CNTN5: variants seen among roughly 807,000 people sequenced by gnomAD.
CNTN5 encodes contactin-5.
CNTN5 carries 77 observed loss-of-function variants against 129.1 expected under a neutral mutation model. The ratio of observed to expected loss-of-function variants is 0.60; its 90% CI spans 0.50 to 0.72. The LOEUF is 0.72. Among genes scored for constraint, CNTN5 ranks in the 30% least tolerant of loss-of-function variants. The pLI is 0.00. For synonymous variants in CNTN5, 509 were observed against 465.6 expected (o/e 1.09, Z -1.20); for missense variants, 1,478 against 1,328.8 (o/e 1.11, Z -1.75).
chr11:99,495,694 A>C (rs1201911771), intron 2 of CNTN5, among the ~76,000 whole-genome samples: 1 of 152,202 alleles, frequency 6.6e-6, no homozygotes, highest in Non-Finnish European at 1.5e-5. Context: ...TTATCCTTTA[A>C]AAAAGCCACT....
intron 3 of CNTN5, among the ~76,000 whole-genome samples, chr11:99,630,095 A>G (rs1017041195): frequency 6.6e-6 from 1 of 151,948 alleles, no homozygotes; most frequent in Non-Finnish European, 1.5e-5. Flanking sequence ...TTAAATGCCT[A>G]TCAGTAGGTA....
chr11:99,995,294 T>C (rs771176390), intron 8 of CNTN5, among the ~76,000 whole-genome samples: 2 of 151,414 alleles, frequency 1.3e-5, no homozygotes, highest in Non-Finnish European at 1.5e-5. Context: ...ATAAAAACTT[T>C]AGTGACATTT....
At chr11:99,421,481 A>G (rs1421329933) in intron 2 of CNTN5, among the ~76,000 whole-genome samples, 1 of 152,168 alleles carries the variant, frequency 6.6e-6, no homozygotes, top group African/African-American at 2.4e-5. Flanking sequence ...TCGCTGTTGC[A>G]AGCAGCTTTG....
chr11:99,644,671 T>C (rs1231083934), intron 3 of CNTN5, among the ~76,000 whole-genome samples: 2 of 152,188 alleles, frequency 1.3e-5, no homozygotes, highest in Non-Finnish European at 2.9e-5. Flanking sequence ...CAACTAAATT[T>C]ATTTTGGCAA....
rs377196136 is a variant in CNTN5, at chr11:99,371,634, A to G, written c.-71+46150A>G. ...TGATATCCAATATTAAGGAGAAAAA[A>G]AAATATTACTCTGCTTACAGAGATC... On this transcript the variant is annotated intron_variant, in intron 2 of 24. Transcript: ENST00000524871. 5.9e-5 allele frequency among the ~76,000 whole-genome samples: 9 copies of G among 152,162 alleles called. No homozygotes were observed. In the South Asian group the frequency reaches 6.2e-4, roughly 11 times the overall value.
intron 13 of CNTN5, among the ~76,000 whole-genome samples, chr11:100,148,298 T>C (rs1462830949): frequency 6.6e-6 from 1 of 152,184 alleles, no homozygotes; most frequent in Non-Finnish European, 1.5e-5. Context: ...TCAGTATCTA[T>C]ACATGGAGAA....
intron 3 of CNTN5, among the ~76,000 whole-genome samples, chr11:99,761,683 T>G (rs956012996): frequency 5.3e-5 from 8 of 151,976 alleles, no homozygotes; most frequent in Admixed American, 3.3e-4. Flanking sequence ...ATTTGGCTTG[T>G]TTCCAAGTCT....
intron 3 of CNTN5, among the ~76,000 whole-genome samples, chr11:99,638,894 G>A (rs1951664692): frequency 6.6e-6 from 1 of 152,094 alleles, no homozygotes; most frequent in African/African-American, 2.4e-5. Context: ...CTGTTCTGGG[G>A]TCTGGAAGAT....
chr11:99,111,235 A>G (rs960296442), intron 1 of CNTN5, among the ~76,000 whole-genome samples: 4 of 152,062 alleles, frequency 2.6e-5, no homozygotes, highest in African/African-American at 9.7e-5. Context: ...TTGCACGCCC[A>G]TCAGTTCCAT....
chr11:99,620,926 T>TTTC (rs141462486), intron 3 of CNTN5, among the ~76,000 whole-genome samples: 2 of 150,804 alleles, frequency 1.3e-5, no homozygotes, highest in African/African-American at 2.4e-5. Flanking sequence ...TACTTAGAAT[T>TTTC]TTTTTTCTTT....
chr11:100,235,739 A>G (rs1045895959), intron 16 of CNTN5, among the ~76,000 whole-genome samples: 1 of 152,274 alleles, frequency 6.6e-6, no homozygotes, highest in South Asian at 2.1e-4. Context: ...AGGCTCTGCT[A>G]GCTTTAAGCA....
intron 3 of CNTN5, among the ~76,000 whole-genome samples, chr11:99,680,088 G>C (rs911439873): frequency 6.6e-6 from 1 of 152,048 alleles, no homozygotes; most frequent in Non-Finnish European, 1.5e-5. Flanking sequence ...AAGGTTTAAA[G>C]AAAAAAGCCA....
chr11:100,253,973 T>C (rs1278688146), intron 16 of CNTN5, among the ~76,000 whole-genome samples: 3 of 152,144 alleles, frequency 2.0e-5, no homozygotes, highest in African/African-American at 7.2e-5. Context: ...CTTTTTTTTA[T>C]TCTAGTCTGT....
At chr11:99,340,301 A>G (rs1389167873) in intron 2 of CNTN5, among the ~76,000 whole-genome samples, 5 of 152,190 alleles carry the variant, frequency 3.3e-5, no homozygotes, top group Non-Finnish European at 7.3e-5. Context: ...AATTTGGAGT[A>G]TAAGGAAGCT....
At chr11:99,326,002 C>A (rs1274931391) in intron 2 of CNTN5, among the ~76,000 whole-genome samples, 2 of 152,138 alleles carry the variant, frequency 1.3e-5, no homozygotes, top group African/African-American at 2.4e-5. Context: ...TGAAGGCAGA[C>A]GACTTTTATG....
intron 2 of CNTN5, among the ~76,000 whole-genome samples, chr11:99,551,910 C>CA (rs1384565747): frequency 1.4e-5 from 2 of 139,942 alleles, no homozygotes; most frequent in Non-Finnish European, 3.1e-5. Flanking sequence ...TGAGTTTTTT[C>CA]TTTTTTTTTT....
intron 4 of CNTN5, among the ~76,000 whole-genome samples, chr11:99,822,329 A>C (rs1435008746): frequency 6.6e-6 from 1 of 152,188 alleles, no homozygotes; most frequent in East Asian, 1.9e-4. Flanking sequence ...CAATATGTTT[A>C]AGAGTAAAGG....
chr11:99,641,611 G>T (rs1277684360), intron 3 of CNTN5, among the ~76,000 whole-genome samples: 3 of 152,088 alleles, frequency 2.0e-5, no homozygotes, highest in African/African-American at 7.2e-5. Context: ...CTGGAATCTG[G>T]CCTATGAAAG....
intron 1 of CNTN5, among the ~76,000 whole-genome samples, chr11:99,166,161 T>G (rs1016988525): frequency 6.6e-6 from 1 of 152,124 alleles, no homozygotes; most frequent in Non-Finnish European, 1.5e-5. Context: ...CCCAGCACTT[T>G]GGGAGGCCAA....
Sources: gnomAD v4.1 joint callset for allele counts (sites outside exome capture counted in the v4.1 genomes callset) on GRCh38, gnomAD v4.1.1 for gene constraint, MANE v1.5 for transcripts, NCBI Gene and HGNC (gene_info 2026-07-23, HGNC 2026-07-21) for gene names.